LAMB4: variants seen among roughly 807,000 people sequenced by gnomAD.
LAMB4 encodes the protein laminin subunit beta-4.
Under a neutral mutation model 199.2 loss-of-function variants are expected in LAMB4, and 196 were observed. The observed-to-expected ratio is 0.98, with a 90% CI of 0.88 to 1.11. LAMB4 has a LOEUF of 1.11. Ranked by LOEUF, LAMB4 falls within the 50% of genes least tolerant of loss-of-function variation. LAMB4 has a pLI of 0.00. For missense variants in LAMB4, 2,080 were observed against 2,171.2 expected, an observed-to-expected ratio of 0.96 and a Z score of 0.83; for synonymous variants, 744 against 770.6, an observed-to-expected ratio of 0.97 and a Z score of 0.57.
At chr7:108,041,471 A>T (rs2035419703) in intron 29 of LAMB4, among the ~76,000 whole-genome samples, 1 of 152,248 alleles carries the variant, frequency 6.6e-6, no homozygotes, top group African/African-American at 2.4e-5. Flanking sequence ...CATTATTCAC[A>T]GGAGCAAAGA....
chr7:108,109,189 G>T lies in LAMB4; in HGVS notation c.384C>A (p.His128Gln). The T allele has an allele frequency of 6.2e-7, 1 of 1,612,924 alleles. No homozygotes were observed. The highest frequency in any genetic ancestry group is 8.5e-7 in the Non-Finnish European group (1 of 1,179,050). Residue 128 changes from histidine to glutamine, a missense_variant, in exon 5 of 34, where the codon CAC (histidine) becomes CAA (glutamine). Transcript: ENST00000388781. The part of the protein sequence containing the change: ...LDLEALFRFS[H>Q]LILTFKTFRP... ...TCTGTACCTTAAAGGTCAGGATAAGGTGGCTGAACCGAAATAATGCCTCTA... is the reference window on the plus strand; with the variant it reads ...TCTGTACCTTAAAGGTCAGGATAAGTTGGCTGAACCGAAATAATGCCTCTA...
chr7:108,118,407 C>T (rs562503367), intron 2 of LAMB4, among the ~76,000 whole-genome samples: 2 of 152,142 alleles, frequency 1.3e-5, no homozygotes, highest in East Asian at 3.9e-4. Context: ...AAAGAACAGA[C>T]TGCGATTTTG....
At chr7:108,068,747 G>T (rs1357472806) in intron 18 of LAMB4, among the ~76,000 whole-genome samples, 1 of 152,130 alleles carries the variant, frequency 6.6e-6, no homozygotes. Flanking sequence ...AGGCTGGAGT[G>T]CAGTAGTGTG....
intron 2 of LAMB4, among the ~76,000 whole-genome samples, chr7:108,119,974 C>A (rs1250662435): frequency 6.6e-6 from 1 of 152,130 alleles, no homozygotes; most frequent in Non-Finnish European, 1.5e-5. Flanking sequence ...CAATCCCCAA[C>A]CCCCATCAAC....
rs573386060 is a variant in LAMB4, at chr7:108,037,476, G to A, written c.4591C>T (p.Leu1531Phe). 1.2e-6 allele frequency: 2 copies of A among 1,614,058 alleles called. No individual in the cohort carries two copies. Among genetic ancestry groups the A allele is most frequent in the East Asian group, 2.2e-5 (1 of 44,888 alleles). The part of the protein sequence containing the change: ...ELVKIQKHMQ[L>F]CEDYRTDENR... ...TCATCTGTCCTGTAATCCTCACAGA[G>A]TTGCATATGTTTCTGTATTTTGACA... The change falls in exon 30 of 34, where the codon CTC (leucine) becomes TTC (phenylalanine). Residue 1531 changes from leucine to phenylalanine, a missense_variant. Transcript: ENST00000388781.
At chr7:108,101,964 G>A (rs116952520) in intron 10 of LAMB4, among the ~76,000 whole-genome samples, 2,383 of 152,254 alleles carry the variant, frequency 0.016, 21 homozygotes, top group Non-Finnish European at 0.026. Flanking sequence ...CCAAGTGTCG[G>A]CAAGGAAGCA....
intron 6 of LAMB4, among the ~76,000 whole-genome samples, chr7:108,106,811 C>T (rs2038034923): frequency 6.6e-6 from 1 of 152,058 alleles, no homozygotes; most frequent in Non-Finnish European, 1.5e-5. Flanking sequence ...AAGTGATCCT[C>T]CTGCCTCAGC....
intron 12 of LAMB4, among the ~76,000 whole-genome samples, chr7:108,094,764 T>C (rs971637263): frequency 1.3e-5 from 2 of 152,144 alleles, no homozygotes; most frequent in African/African-American, 4.8e-5. Context: ...ATCCAAGAGT[T>C]TATTTCCCAC....
At chr7:108,119,627 T>C (rs550467816) in intron 2 of LAMB4, among the ~76,000 whole-genome samples, 14 of 150,182 alleles carry the variant, frequency 9.3e-5, no homozygotes, top group East Asian at 7.8e-4. Context: ...GGGAGGGAGG[T>C]GGATGTGGCT....
chr7:108,078,445 T>C, intron 15 of LAMB4, 129 bp from the exon 16 acceptor site: 1 of 612,130 alleles, frequency 1.6e-6, no homozygotes, highest in East Asian at 2.8e-5. Flanking sequence ...GGCAAAGAGT[T>C]TTGGAGTTGA....
chr7:108,104,622 G>A lies in LAMB4; in HGVS notation c.871-3C>T, dbSNP rs140795128. The A allele has an allele frequency of 1.2e-6, 2 of 1,613,656 alleles. No homozygotes were observed. Among genetic ancestry groups the A allele is most frequent in the African/African-American group, 1.3e-5 (1 of 75,022 alleles). ...TGACACACACACTGACCGTGAACCT[G>A]CATTGTGCAATAAATAGAGCGTTGA... is the stretch of plus-strand genomic sequence containing the variant. On this transcript the variant is annotated splice_region_variant and splice_polypyrimidine_tract_variant and intron_variant, in intron 8 of 33. Coordinates refer to ENST00000388781, the MANE Select transcript of LAMB4 (RefSeq NM_007356.3).
intron 2 of LAMB4, among the ~76,000 whole-genome samples, chr7:108,118,713 C>T (rs1193117840): frequency 6.6e-6 from 1 of 151,652 alleles, no homozygotes; most frequent in Non-Finnish European, 1.5e-5. Context: ...AGGAGAAAAT[C>T]TGGCATTTAG....
the LAMB4 span, among the ~76,000 whole-genome samples, chr7:108,016,995 G>C: frequency 6.6e-6 from 1 of 152,180 alleles, no homozygotes; most frequent in Non-Finnish European, 1.5e-5. Flanking sequence ...GTGAACTGTG[G>C]TTGTGTGTGG....
intron 33 of LAMB4, among the ~76,000 whole-genome samples, chr7:108,027,788 T>C (rs1217582882): frequency 1.3e-5 from 2 of 152,190 alleles, no homozygotes; most frequent in Non-Finnish European, 2.9e-5. Flanking sequence ...TTTATGTTTT[T>C]TGTTTTGTTT....
At chr7:108,045,925 G>A (rs2035603076) in intron 28 of LAMB4, among the ~76,000 whole-genome samples, 1 of 151,802 alleles carries the variant, frequency 6.6e-6, no homozygotes, top group Non-Finnish European at 1.5e-5. Context: ...GATATAGGGG[G>A]TGTGTGTGTG....
At chr7:108,087,330 G>A (rs2037220939) in intron 14 of LAMB4, among the ~76,000 whole-genome samples, 1 of 152,162 alleles carries the variant, frequency 6.6e-6, no homozygotes, top group Non-Finnish European at 1.5e-5. Context: ...ATTCACTTGA[G>A]AAGGTCTCTT....
chr7:108,049,232 A>C (rs1209860019), intron 27 of LAMB4, 94 bp downstream of exon 27: 1 of 401,218 alleles, frequency 2.5e-6, no homozygotes, highest in Non-Finnish European at 4.4e-6. Flanking sequence ...ATGAAAAAGA[A>C]ATTTAAAATG....
At chr7:108,048,408 C>G (rs747461626) in intron 27 of LAMB4, among the ~76,000 whole-genome samples, 2 of 151,706 alleles carry the variant, frequency 1.3e-5, no homozygotes, top group Non-Finnish European at 2.9e-5. Flanking sequence ...TCAGGTGATC[C>G]GCCCACCTCG....
At chr7:108,078,763 T>G (rs2036808678) in intron 15 of LAMB4, among the ~76,000 whole-genome samples, 1 of 152,258 alleles carries the variant, frequency 6.6e-6, no homozygotes, top group African/African-American at 2.4e-5. Flanking sequence ...GGCCATATTC[T>G]CTCTACAGAT....
Sources: gnomAD v4.1 joint callset for allele counts (sites outside exome capture counted in the v4.1 genomes callset) on GRCh38, gnomAD v4.1.1 for gene constraint, MANE v1.5 for transcripts, NCBI Gene and HGNC (gene_info 2026-07-23, HGNC 2026-07-21) for gene names.